Variants in BBS12 observed in about 807,000 individuals in gnomAD.
BBS12 encodes the protein Bardet-Biedl syndrome 12.
In BBS12, 5 loss-of-function variants were observed where a neutral mutation model predicts 5.6. That is an observed-to-expected ratio of 0.89 (90% CI 0.46 to 1.86). The LOEUF (loss-of-function observed/expected upper bound fraction) is 1.86, where lower values mean the gene tolerates loss of function less well. Ranked by LOEUF, BBS12 falls within the 40% of genes most tolerant of loss-of-function variation. BBS12 has a pLI of 0.01. For synonymous variants in BBS12, 308 were observed against 306.8 expected (o/e 1.00, Z -0.04); for missense variants, 748 against 830.4 (o/e 0.90, Z 1.22).
chr4:122,720,348 T>G, the BBS12 span, among the ~76,000 whole-genome samples: 4 of 152,044 alleles, frequency 2.6e-5, no homozygotes, highest in African/African-American at 9.7e-5. Flanking sequence ...CTGCTCAGGA[T>G]GCTGAGGCCC....
the BBS12 span, among the ~76,000 whole-genome samples, chr4:122,703,996 G>T: frequency 6.6e-6 from 1 of 152,090 alleles, no homozygotes; most frequent in Non-Finnish European, 1.5e-5. Flanking sequence ...CCACAGGCTT[G>T]CATCACCACA....
chr4:122,736,574 C>T (rs957036266), intron 1 of BBS12, among the ~76,000 whole-genome samples: 2 of 152,024 alleles, frequency 1.3e-5, no homozygotes, highest in African/African-American at 4.8e-5. Context: ...TTCCATTACA[C>T]ACTTAGAAAC....
chr4:122,704,640 A>G, the BBS12 span, among the ~76,000 whole-genome samples: 12 of 152,186 alleles, frequency 7.9e-5, no homozygotes, highest in African/African-American at 2.7e-4. Context: ...TTTATGAATA[A>G]GCCTGCTTTT....
chr4:122,744,064 TATGTC>T lies in BBS12; in HGVS notation c.*43_*47del, dbSNP rs1800947814. 6.4e-7 allele frequency: 1 copy of T among 1,569,224 alleles called. No homozygotes were observed. The highest frequency in any genetic ancestry group is 1.7e-5 in the Admixed American group (1 of 59,650). ...GTCTTTGGAAAATAATTTTTCATAA[TATGTC>T]ATGCTAATAATAAATATATTGATAG... is the stretch of plus-strand genomic sequence containing the variant. On this transcript the variant is annotated 3_prime_UTR_variant, in exon 2 of 2. Coordinates refer to ENST00000314218, the MANE Select transcript of BBS12 (RefSeq NM_152618.3).
At chr4:122,713,363 C>G in the BBS12 span, among the ~76,000 whole-genome samples, 1 of 151,678 alleles carries the variant, frequency 6.6e-6, no homozygotes, top group South Asian at 2.1e-4. Flanking sequence ...GTGGCACATG[C>G]TGTAGTCCCA....
intron 1 of BBS12, among the ~76,000 whole-genome samples, chr4:122,740,940 C>T (rs1800861520): frequency 6.6e-6 from 1 of 152,134 alleles, no homozygotes; most frequent in Admixed American, 6.5e-5. Flanking sequence ...ACATAACTTG[C>T]TGAGGGCTAT....
the BBS12 span, among the ~76,000 whole-genome samples, chr4:122,724,739 C>G: frequency 6.6e-6 from 1 of 152,160 alleles, no homozygotes; most frequent in Non-Finnish European, 1.5e-5. Context: ...CTCAAGAGTT[C>G]TGTCCTGGTC....
rs764483162 is a variant in BBS12 at position 122,743,089 on chromosome 4, C to T, written c.1197C>T (p.His399=). The change falls in exon 2 of 2, where the codon CAC becomes CAT. Residue 399 remains histidine, a synonymous_variant. Transcript: ENST00000314218. ...EDSSEELWAN[H]VLQVLIQFKV... is the part of the protein sequence containing the mutation. Reference sequence around the variant, plus strand: ...GCTCAGAAGAACTGTGGGCAAATCACGTGTTACAGGTGTTAATCCAGTTCA... The same window carrying T: ...GCTCAGAAGAACTGTGGGCAAATCATGTGTTACAGGTGTTAATCCAGTTCA... The T allele has an allele frequency of 3.3e-5, 54 of 1,614,108 alleles. No individual in the cohort carries two copies. The highest frequency in any genetic ancestry group is 1.6e-4 in the Middle Eastern group (1 of 6,084).
chr4:122,726,052 C>T, the BBS12 span, among the ~76,000 whole-genome samples: 2 of 151,826 alleles, frequency 1.3e-5, no homozygotes, highest in Admixed American at 6.6e-5. Flanking sequence ...GCAAATGCAA[C>T]AAAAACAAAA....
chr4:122,740,083 C>A (rs1560705451), intron 1 of BBS12, among the ~76,000 whole-genome samples: 1 of 151,474 alleles, frequency 6.6e-6, no homozygotes, highest in Non-Finnish European at 1.5e-5. Flanking sequence ...CCAGACTGGG[C>A]AGCATGGCGA....
the BBS12 span, among the ~76,000 whole-genome samples, chr4:122,725,083 A>C: frequency 0.01 from 1,559 of 152,304 alleles, 29 homozygotes; most frequent in African/African-American, 0.036. Context: ...AAGCATTGCC[A>C]TTTTACTGTT....
upstream of BBS12, chr4:122,730,788 AAATTAT>A (rs1171220033): frequency 6.6e-6 from 1 of 152,154 alleles, no homozygotes; most frequent in Non-Finnish European, 1.5e-5. Context: ...AATTACATAT[AAATTAT>A]AATTATAAAA....
Position 122,744,224 on chromosome 4 carries a change from G to C in BBS12, c.*199G>C. 1.7e-6 allele frequency: 1 copy of C among 601,290 alleles called. No homozygotes were observed. Among genetic ancestry groups the C allele is most frequent in the East Asian group, 3.1e-5 (1 of 32,334 alleles). The allele number at this position is 601,290 out of a possible 1,614,324, so 37.2% of individuals were successfully genotyped here. ...AAGTTAGCCTGTTACTGTTTCGTGG[G>C]ATGCTACAGAATGCATAAGACACCT... On this transcript the variant is annotated 3_prime_UTR_variant, in exon 2 of 2. Transcript: ENST00000314218.
Position 122,743,216 on chromosome 4 carries a change from A to T in BBS12, c.1324A>T (p.Met442Leu). 6.2e-7 allele frequency: 1 copy of T among 1,614,210 alleles called. No individual in the cohort carries two copies. Among genetic ancestry groups the T allele is most frequent in the Non-Finnish European group, 8.5e-7 (1 of 1,180,038 alleles). The stretch of plus-strand genomic sequence containing the variant: ...AATCGGCTCAGTGAATGGCAGTGTG[A>T]TGCAGGCTTTTGCAGAGGCTGCAGG... ...LVIGSVNGSV[M>L]QAFAEAAGAV... The change falls in exon 2 of 2, where the codon ATG becomes TTG. Residue 442 changes from methionine (M) to leucine (L), a missense_variant. Met to Leu is a conservative substitution (Grantham distance 15). Coordinates refer to ENST00000314218, the MANE Select transcript of BBS12 (RefSeq NM_152618.3).
At position 122,742,372 on chromosome 4, in the gene BBS12, T is replaced by C; in HGVS notation, c.480T>C (p.Phe160=). The stretch of plus-strand genomic sequence containing the variant: ...CATTTAGTGTAAGTTTGTGTCCTTT[T>C]CTACAGGTCCCTTCAGATACTGATT... ...LETFSVSLCP[F]LQVPSDTDLI... is the part of the protein sequence containing the mutation. Residue 160 remains phenylalanine, a synonymous_variant, in exon 2 of 2, where the codon TTT becomes TTC. Transcript: ENST00000314218. 2 of 1,614,232 alleles carry C rather than the reference T, an allele frequency of 1.2e-6. No homozygotes were observed. The highest frequency in any genetic ancestry group is 1.1e-5 in the South Asian group (1 of 91,086).
upstream of BBS12, chr4:122,731,520 G>A (rs1800696504): frequency 6.6e-6 from 1 of 152,020 alleles, no homozygotes; most frequent in African/African-American, 2.4e-5. Flanking sequence ...GTTATTGCTA[G>A]TATTTCTTTG....
chr4:122,707,150 G>A, the BBS12 span, among the ~76,000 whole-genome samples: 1 of 139,476 alleles, frequency 7.2e-6, no homozygotes, highest in African/African-American at 2.7e-5. Context: ...CAATCCTCAT[G>A]TGGCTTATCT....
the BBS12 span, among the ~76,000 whole-genome samples, chr4:122,706,710 C>T: frequency 1.3e-5 from 2 of 152,190 alleles, no homozygotes; most frequent in Admixed American, 1.3e-4. Context: ...GTAAGACTCT[C>T]ATTTCGCAAT....
the BBS12 span, among the ~76,000 whole-genome samples, chr4:122,722,326 T>C: frequency 1.3e-5 from 2 of 152,332 alleles, no homozygotes; most frequent in African/African-American, 4.8e-5. Context: ...TGTGGATCTA[T>C]ATTTAGTCTT....
Sources: gnomAD v4.1 joint callset for allele counts (sites outside exome capture counted in the v4.1 genomes callset) on GRCh38, gnomAD v4.1.1 for gene constraint, MANE v1.5 for transcripts, NCBI Gene and HGNC (gene_info 2026-07-23, HGNC 2026-07-21) for gene names.